Variants in LETMD1 observed in about 807,000 individuals in gnomAD.
LETMD1 encodes LETM1 domain containing 1, also known as LETM1 domain-containing protein 1.
In LETMD1, 30 loss-of-function variants were observed where a neutral mutation model predicts 43.9. The observed-to-expected ratio is 0.68, with a 90% CI of 0.51 to 0.93. LETMD1 has a LOEUF of 0.93. Among genes scored for constraint, LETMD1 ranks in the 40% least tolerant of loss-of-function variants. The pLI is 0.00. For missense variants in LETMD1, 413 were observed against 447.7 expected (o/e 0.92, Z 0.70); for synonymous variants, 176 against 163.1 (o/e 1.08, Z -0.60).
chr12:51,063,665 T>TTTTTTG, downstream of LETMD1: 1 of 1,105,920 alleles, frequency 9.0e-7, no homozygotes, highest in African/African-American at 1.6e-5. Flanking sequence ...CAGCTGCTTC[T>TTTTTTG]ACAGTTTTGT....
chr12:51,056,540 G>C, intron 7 of LETMD1, 38 bp downstream of exon 7: 2 of 1,613,028 alleles, frequency 1.2e-6, no homozygotes, highest in Non-Finnish European at 1.7e-6. Flanking sequence ...TCAACCCTTG[G>C]TGTGCTTTTG....
downstream of LETMD1, chr12:51,064,710 A>G: frequency 6.8e-7 from 1 of 1,468,954 alleles, no homozygotes; most frequent in Non-Finnish European, 9.1e-7. Flanking sequence ...TGAGACCTAC[A>G]ATCCTAACAA....
rs545544187 is a variant in LETMD1, at chr12:51,052,548, C to T, written c.390+341C>T. 5.9e-5 allele frequency among the ~76,000 whole-genome samples: 9 copies of T among 152,220 alleles called. No homozygotes were observed. In the East Asian group the frequency reaches 9.6e-4, roughly 16 times the overall value. ...CTGTAATCCCAGCACTTTGGGAAGCCGAGGCAGGCAGATCACGAAGTCAGG... is the reference window on the plus strand; with the variant it reads ...CTGTAATCCCAGCACTTTGGGAAGCTGAGGCAGGCAGATCACGAAGTCAGG... On this transcript the variant is annotated intron_variant, in intron 3 of 8. Coordinates refer to ENST00000262055, the MANE Select transcript of LETMD1 (RefSeq NM_015416.5).
chr12:51,062,507 T>C (rs1937678593), downstream of LETMD1: 1 of 152,206 alleles, frequency 6.6e-6, no homozygotes, highest in South Asian at 2.1e-4. Context: ...CTGAATGAGT[T>C]CCATTCTATA....
In LETMD1 at chr12:51,051,687, A is replaced by G. The variant is rs12311001; in HGVS notation, c.275-405A>G. On this transcript the variant is annotated intron_variant, in intron 2 of 8. Coordinates refer to ENST00000262055, the MANE Select transcript of LETMD1 (RefSeq NM_015416.5). ...GCACCACTGCACTCCAGCCTGGGCAACAAAGTGAGATTCCATCTCAAAAAA... is the reference window on the plus strand; with the variant it reads ...GCACCACTGCACTCCAGCCTGGGCAGCAAAGTGAGATTCCATCTCAAAAAA... Among the ~76,000 whole-genome samples the G allele has an allele frequency of 7.6e-3, 1,154 of 152,280 alleles. 10 individuals carry two copies. Among genetic ancestry groups the G allele is most frequent in the African/African-American group, 0.026 (1,075 of 41,544 alleles).
Position 51,059,798 on chromosome 12 carries a change from A to G in LETMD1, c.*367A>G, listed in dbSNP as rs536177712. 1 of 210,128 alleles carries G rather than the reference A, an allele frequency of 4.8e-6. No individual in the cohort carries two copies. Among genetic ancestry groups the G allele is most frequent in the African/African-American group, 2.3e-5 (1 of 44,098 alleles). 13.0% of individuals were successfully genotyped at this position (210,128 alleles called of 1,614,324 possible). A position where few individuals can be genotyped will look rare whatever the true frequency, so the allele number is the denominator to read the frequency against. ...GGAATCCTTATTTGGCTTAGGACTG[A>G]TCCACTTCCATGTTACTTACATCTG... is the stretch of plus-strand genomic sequence containing the variant. On this transcript the variant is annotated 3_prime_UTR_variant, in exon 9 of 9. Coordinates refer to ENST00000262055, the MANE Select transcript of LETMD1 (RefSeq NM_015416.5).
the LETMD1 span, among the ~76,000 whole-genome samples, chr12:51,067,250 C>T: frequency 1.3e-5 from 2 of 151,398 alleles, no homozygotes; most frequent in Non-Finnish European, 3.0e-5. The surrounding 1 kb of genome is among the most constrained non-coding windows in gnomAD (Gnocchi z 4.1). Context: ...CTCTTCATCC[C>T]TTTCCTAACA....
chr12:51,056,681 G>T (rs1947840170), intron 7 of LETMD1, 179 bp downstream of exon 7: 1 of 519,298 alleles, frequency 1.9e-6, no homozygotes, highest in Non-Finnish European at 3.2e-6. Context: ...TTGAGACAGA[G>T]TCTCATTCTG....
At chr12:51,051,834 A>G (rs193277157) in intron 2 of LETMD1, among the ~76,000 whole-genome samples, 55 of 152,356 alleles carry the variant, frequency 3.6e-4, no homozygotes, top group African/African-American at 1.3e-3. Context: ...TGACCAGTGA[A>G]ACAGAAGAGG....
At chr12:51,061,944 G>A (rs1008641496), downstream of LETMD1, 2 of 152,114 alleles carry the variant, frequency 1.3e-5, no homozygotes, top group East Asian at 1.9e-4. Flanking sequence ...TCAGTTCTGG[G>A]TAGCTTCGAG....
rs1313648597 is a variant in LETMD1 at position 51,056,161 on chromosome 12, C to T, written c.678C>T (p.His226=). 10 of 1,614,222 alleles carry T rather than the reference C, an allele frequency of 6.2e-6. No homozygotes were observed. The South Asian group carries it at 8.8e-5, about 14-fold the overall frequency. The change falls in exon 6 of 9, where the codon CAC becomes CAT. Residue 226 remains histidine (H), a synonymous_variant. Transcript: ENST00000262055. ...CTTCCAAGATACAGCGTGGTACCCA[C>T]CCAGCAATACATGATATCTTGGCTC... is the stretch of plus-strand genomic sequence containing the variant. ...DLCTKIQRGT[H]PAIHDILALR...
At chr12:51,051,008 C>G (rs1237869399) in intron 2 of LETMD1, among the ~76,000 whole-genome samples, 6 of 146,632 alleles carry the variant, frequency 4.1e-5, no homozygotes, top group Non-Finnish European at 1.5e-5. Flanking sequence ...AGTGAAACTC[C>G]CATCTCAAAA....
At chr12:51,053,924 T>A in intron 4 of LETMD1, 64 bp downstream of exon 4, 1 of 1,030,138 alleles carries the variant, frequency 9.7e-7, no homozygotes, top group Non-Finnish European at 1.5e-6. Context: ...AATTAAGAAT[T>A]ACTTTAAACA....
chr12:51,048,621 C>T, intron 1 of LETMD1, 143 bp downstream of exon 1: 2 of 1,047,828 alleles, frequency 1.9e-6, no homozygotes, highest in East Asian at 2.6e-5. Flanking sequence ...ATTCAAACTC[C>T]GATCCCCACT....
chr12:51,060,488 G>C (rs1409495707), downstream of LETMD1: 1 of 152,156 alleles, frequency 6.6e-6, no homozygotes, highest in Non-Finnish European at 1.5e-5. Flanking sequence ...TAACAAATGG[G>C]GATTTAATTG....
At chr12:51,048,507 T>C in intron 1 of LETMD1, 29 bp downstream of exon 1, 1 of 1,609,822 alleles carries the variant, frequency 6.2e-7, no homozygotes, top group Non-Finnish European at 8.5e-7. Flanking sequence ...GAAAAGCATT[T>C]TTGACGTCCA....
intron 2 of LETMD1, chr12:51,049,569 GA>G (rs1945371621): frequency 1.2e-5 from 2 of 172,712 alleles, no homozygotes; most frequent in South Asian, 2.9e-4. Context: ...CCCTTGTTAT[GA>G]ATCTATATTA....
At position 51,053,850 on chromosome 12, in the gene LETMD1, T is replaced by C. The variant is rs980497614; in HGVS notation, c.463T>C (p.Phe155Leu). The C allele has an allele frequency of 2.5e-6, 4 of 1,606,970 alleles. No individual in the cohort carries two copies. The African/African-American group carries it at 5.4e-5, about 22-fold the overall frequency. ...SIPPFANYLV[F>L]LLMYLFPRQL... ...TCCACCTTTTGCCAACTACCTGGTCTTCTTGCTAATGTGAGTACAGACTTC... is the reference window on the plus strand; with the variant it reads ...TCCACCTTTTGCCAACTACCTGGTCCTCTTGCTAATGTGAGTACAGACTTC... Residue 155 changes from phenylalanine to leucine, a missense_variant, in exon 4 of 9, where the codon TTC becomes CTC. Transcript: ENST00000262055.
At chr12:51,068,899 G>C in the LETMD1 span, among the ~76,000 whole-genome samples, 2 of 152,218 alleles carry the variant, frequency 1.3e-5, no homozygotes, top group Non-Finnish European at 2.9e-5. Context: ...TCATTCTACT[G>C]TAAGGAGAAA....
Sources: allele counts gnomAD v4.1 joint callset (sites outside exome capture counted in the v4.1 genomes callset), GRCh38; gene constraint gnomAD v4.1.1; non-coding constraint Gnocchi (gnomAD v3.1); transcripts MANE v1.5; gene names NCBI Gene and HGNC (gene_info 2026-07-23, HGNC 2026-07-21).